Variants in NFIC observed in about 807,000 individuals in gnomAD.
NFIC encodes nuclear factor 1 C-type.
Under a neutral mutation model 54.4 loss-of-function variants are expected in NFIC, and 12 were observed. The ratio of observed to expected loss-of-function variants is 0.22; its 90% CI spans 0.14 to 0.36. The LOEUF (loss-of-function observed/expected upper bound fraction) is 0.36. Ranked by LOEUF, NFIC falls within the 10% of genes least tolerant of loss-of-function variation. The pLI is 1.00. For synonymous variants in NFIC, 322 were observed against 319.2 expected (o/e 1.01, Z -0.09); for missense variants, 575 against 718.2 (o/e 0.80, Z 2.28).
intron 2 of NFIC, among the ~76,000 whole-genome samples, chr19:3,417,042 C>CAG (rs2081869136): frequency 1.6e-5 from 2 of 126,662 alleles, no homozygotes; most frequent in Non-Finnish European, 3.9e-5. Context: ...CGCCACCAGG[C>CAG]CCAGCTAATT....
intron 2 of NFIC, among the ~76,000 whole-genome samples, chr19:3,394,516 C>CCCT (rs2081427790): frequency 4.5e-5 from 1 of 22,352 alleles, no homozygotes; most frequent in South Asian, 1.7e-3. Flanking sequence ...TGATCTTTTC[C>CCCT]CCACCCACCC....
At chr19:3,372,716 G>C (rs374042276) in intron 1 of NFIC, among the ~76,000 whole-genome samples, 1 of 150,250 alleles carries the variant, frequency 6.7e-6, no homozygotes, top group Non-Finnish European at 1.5e-5. Context: ...GTGGGGTGGG[G>C]GGGTGCCAGG....
chr19:3,367,086 G>A (rs1049660326), intron 1 of NFIC, among the ~76,000 whole-genome samples: 1 of 151,740 alleles, frequency 6.6e-6, no homozygotes, highest in African/African-American at 2.4e-5. Context: ...GAGGAATCTA[G>A]GGGGTCGTGA....
In NFIC at chr19:3,456,570, T is replaced by A. The variant is rs775626191; in HGVS notation, c.1444T>A (p.Ser482Thr). ...TSPSYSPPDTSPANRSFVGLG... is the reference protein window; with the variant it reads ...TSPSYSPPDTTPANRSFVGLG... Reference sequence around the variant, plus strand: ...TGCAGCCTACTCTCCGCCCGACACGTCCCCTGCAAACCGTTCCTTTGTGGG... The same window carrying A: ...TGCAGCCTACTCTCCGCCCGACACGACCCCTGCAAACCGTTCCTTTGTGGG... Residue 482 changes from serine to threonine, a missense_variant, in exon 10 of 11, where the codon TCC becomes ACC. By Grantham distance (58) the Ser-to-Thr change is moderately conservative. Coordinates refer to ENST00000443272, the MANE Select transcript of NFIC (RefSeq NM_001245002.2). The A allele has an allele frequency of 7.1e-6, 11 of 1,549,116 alleles. No individual in the cohort carries two copies. In the South Asian group the frequency reaches 1.3e-4, roughly 18 times the overall value.
intron 6 of NFIC, among the ~76,000 whole-genome samples, chr19:3,438,124 T>C (rs1038167079): frequency 3.9e-5 from 6 of 152,144 alleles, no homozygotes; most frequent in African/African-American, 1.4e-4. Context: ...TTTAAGTCTA[T>C]TTATTAGGAG....
chr19:3,450,654 C>T (rs945717000), intron 7 of NFIC, among the ~76,000 whole-genome samples: 1 of 149,968 alleles, frequency 6.7e-6, no homozygotes, highest in Non-Finnish European at 1.5e-5. Flanking sequence ...GACTCCATCT[C>T]AAAAAAAAAC....
intron 2 of NFIC, among the ~76,000 whole-genome samples, chr19:3,409,277 G>A (rs748295831): frequency 6.6e-6 from 1 of 152,038 alleles, no homozygotes; most frequent in African/African-American, 2.4e-5. Flanking sequence ...TTTGTGGAAC[G>A]CTTTCACCCC....
At chr19:3,447,710 T>C (rs1010685166) in intron 6 of NFIC, among the ~76,000 whole-genome samples, 2 of 152,278 alleles carry the variant, frequency 1.3e-5, no homozygotes, top group Non-Finnish European at 2.9e-5. Context: ...ATCCCCTGTT[T>C]TATGAAAAGG....
At chr19:3,364,895 G>C (rs564275661), upstream of NFIC, among the ~76,000 whole-genome samples, 3 of 152,102 alleles carry the variant, frequency 2.0e-5, no homozygotes, top group South Asian at 6.2e-4. Flanking sequence ...ATTGCTTCAC[G>C]TTATATTGGT....
intron 2 of NFIC, among the ~76,000 whole-genome samples, chr19:3,417,832 G>A (rs1312351538): frequency 6.7e-6 from 1 of 149,256 alleles, no homozygotes; most frequent in African/African-American, 2.5e-5. Context: ...TAGAGATGGG[G>A]TTTCACCATG....
intron 6 of NFIC, among the ~76,000 whole-genome samples, chr19:3,442,011 C>T (rs146201054): frequency 3.9e-4 from 59 of 152,336 alleles, no homozygotes; most frequent in Admixed American, 9.8e-4. Flanking sequence ...CCTTTTCTCC[C>T]GGGCAGTGCT....
chr19:3,390,585 A>G (rs1009347267), intron 2 of NFIC, among the ~76,000 whole-genome samples: 28 of 152,296 alleles, frequency 1.8e-4, no homozygotes, highest in African/African-American at 6.7e-4. Flanking sequence ...GATGATAATA[A>G]TCCTGCCCAC....
chr19:3,434,970 A>C (rs550753196), intron 5 of NFIC, 113 bp from the exon 6 acceptor site: 3 of 1,356,096 alleles, frequency 2.2e-6, no homozygotes, highest in South Asian at 1.5e-5. Flanking sequence ...GTCTCGCGAT[A>C]CTACCTCCCT....
At chr19:3,436,845 G>A (rs1024654247) in intron 6 of NFIC, among the ~76,000 whole-genome samples, 1 of 152,100 alleles carries the variant, frequency 6.6e-6, no homozygotes, top group Non-Finnish European at 1.5e-5. Flanking sequence ...GAGAGACCTG[G>A]GTTCAGATCC....
chr19:3,442,137 C>T (rs995349161), intron 6 of NFIC, among the ~76,000 whole-genome samples: 3 of 152,236 alleles, frequency 2.0e-5, no homozygotes, highest in Admixed American at 2.0e-4. Flanking sequence ...CTAGGCTTTG[C>T]CCGCTTGGGG....
chr19:3,422,672 A>C (rs1050642961), intron 2 of NFIC, among the ~76,000 whole-genome samples: 1 of 151,822 alleles, frequency 6.6e-6, no homozygotes, highest in Non-Finnish European at 1.5e-5. Flanking sequence ...AGCCGAGATC[A>C]TGCCACTGCA....
rs1487109966 is a variant in NFIC at position 3,467,770 on chromosome 19, T to TATCATATAC, written c.*5003_*5004insCATATACAT. ...GGGCTATACTATACATATATATATA[T>TATCATATAC]ATATATATATATATATATAATTTTG... On this transcript the variant is annotated 3_prime_UTR_variant, in exon 11 of 11. Transcript: ENST00000443272. 7.6e-6 allele frequency: 1 copy of TATCATATAC among 132,084 alleles called. No individual in the cohort carries two copies. The highest frequency in any genetic ancestry group is 7.4e-5 in the Admixed American group (1 of 13,494). The allele number at this position is 132,084 out of a possible 1,614,324, so 8.2% of individuals were successfully genotyped here.
rs1220839008 is a variant in NFIC at position 3,375,308 on chromosome 19, T to C, written c.31-6404T>C. On this transcript the variant is annotated intron_variant, in intron 1 of 10. Transcript: ENST00000443272. This position sits in a 1 kb window ranked among gnomAD's most constrained non-coding sequence, Gnocchi z 4.6. ...GTCCGGGCCTCCTGCCCGCCTGGCA[T>C]CTCCTCCACAGGCAGGTCCTGCGCC... Among the ~76,000 whole-genome samples the C allele has an allele frequency of 6.6e-6, 1 of 152,086 alleles. No homozygotes were observed. The highest frequency in any genetic ancestry group is 2.4e-5 in the African/African-American group (1 of 41,422).
At chr19:3,378,114 G>A (rs2081139465) in intron 1 of NFIC, among the ~76,000 whole-genome samples, 1 of 151,798 alleles carries the variant, frequency 6.6e-6, no homozygotes, top group South Asian at 2.1e-4. Context: ...GCATGATAGT[G>A]TGTGGCTGTA....
Sources: gnomAD v4.1 joint callset for allele counts (sites outside exome capture counted in the v4.1 genomes callset) on GRCh38, gnomAD v4.1.1 for gene constraint, Gnocchi (gnomAD v3.1) non-coding constraint, MANE v1.5 for transcripts, NCBI Gene and HGNC (gene_info 2026-07-23, HGNC 2026-07-21) for gene names.